Variants in NCAM2 observed in about 807,000 individuals in gnomAD.
The protein encoded by NCAM2 is N-CAM-2.
Under a neutral mutation model 98.1 loss-of-function variants are expected in NCAM2, and 30 were observed. The ratio of observed to expected loss-of-function variants is 0.31; its 90% confidence interval spans 0.23 to 0.41. The LOEUF (loss-of-function observed/expected upper bound fraction) is 0.41, where lower values mean the gene tolerates loss of function less well. NCAM2 is among the 10% of genes least tolerant of loss of function. The pLI is 1.00. For missense variants in NCAM2, 867 were observed against 1,005.8 expected (o/e 0.86, Z 1.87); for synonymous variants, 368 against 342.4 (o/e 1.07, Z -0.83).
chr21:21,393,897 A>G (rs2076438825), intron 9 of NCAM2, among the ~76,000 whole-genome samples: 1 of 152,214 alleles, frequency 6.6e-6, no homozygotes, highest in Admixed American at 6.5e-5. Context: ...TGAAGGAAAG[A>G]TATTCTGATT....
chr21:21,388,754 G>C (rs1310398527), intron 9 of NCAM2, among the ~76,000 whole-genome samples: 2 of 152,104 alleles, frequency 1.3e-5, no homozygotes, highest in Admixed American at 6.5e-5. Context: ...TGTTTATTCG[G>C]TTGTACATTA....
intron 12 of NCAM2, among the ~76,000 whole-genome samples, 167 bp from the exon 13 acceptor site, chr21:21,466,439 T>C (rs1427362062): frequency 1.3e-5 from 2 of 152,020 alleles, no homozygotes; most frequent in East Asian, 1.9e-4. Context: ...CAAATCAGTT[T>C]CTTCTTATAT....
intron 16 of NCAM2, among the ~76,000 whole-genome samples, chr21:21,514,556 CTCT>C (rs1441294918): frequency 4.0e-5 from 6 of 149,730 alleles, no homozygotes; most frequent in Admixed American, 2.7e-4. Flanking sequence ...TTTAATTTGT[CTCT>C]TGTCTTATTT....
At position 21,026,667 on chromosome 21, in the gene NCAM2, A is replaced by G. The variant is rs141911233; in HGVS notation, c.55+28049A>G. On this transcript the variant is annotated intron_variant, in intron 1 of 17. Coordinates refer to ENST00000400546, the MANE Select transcript of NCAM2 (RefSeq NM_004540.5). ...TTCAAATTTAGTATCTTTCCTGGAT[A>G]TCACGTAGTTTCTCTATTCCTAAGA... is the stretch of plus-strand genomic sequence containing the variant. Among the ~76,000 whole-genome samples, 692 of 152,082 alleles carry G rather than the reference A, an allele frequency of 4.6e-3. 8 individuals carry two copies. Among genetic ancestry groups the G allele is most frequent in the African/African-American group, 0.015 (639 of 41,488 alleles).
In NCAM2 at chr21:21,543,190, A is replaced by G. The variant is rs1990302974; in HGVS notation, c.*5233A>G. The G allele has an allele frequency of 6.6e-6, 1 of 151,782 alleles. No individual in the cohort carries two copies. Among genetic ancestry groups the G allele is most frequent in the Non-Finnish European group, 1.5e-5 (1 of 67,846 alleles). 9.4% of individuals were successfully genotyped at this position (151,782 alleles called of 1,614,324 possible). On this transcript the variant is annotated 3_prime_UTR_variant, in exon 18 of 18. Transcript: ENST00000400546. ...TATGTCCCAATGAAATGCTGTATATATATGTCTAAACTGTAAAAATTATAC... is the reference window on the plus strand; with the variant it reads ...TATGTCCCAATGAAATGCTGTATATGTATGTCTAAACTGTAAAAATTATAC...
intron 1 of NCAM2, among the ~76,000 whole-genome samples, chr21:21,053,543 AAATT>A (rs1601218104): frequency 6.6e-6 from 1 of 151,544 alleles, no homozygotes; most frequent in Non-Finnish European, 1.5e-5. Flanking sequence ...TTATTTTTAA[AAATT>A]AATTGTTTTA....
intron 1 of NCAM2, among the ~76,000 whole-genome samples, chr21:21,238,856 T>TA (rs2147225727): frequency 6.6e-6 from 1 of 152,300 alleles, no homozygotes; most frequent in African/African-American, 2.4e-5. Context: ...GCTCCTCAAA[T>TA]ATGTATTAAA....
At chr21:21,007,318 G>A (rs1428425684) in intron 1 of NCAM2, among the ~76,000 whole-genome samples, 1 of 152,058 alleles carries the variant, frequency 6.6e-6, no homozygotes, top group Non-Finnish European at 1.5e-5. Flanking sequence ...ACCAGAAAGG[G>A]GTCCCAGTCC....
intron 1 of NCAM2, among the ~76,000 whole-genome samples, chr21:21,006,113 T>C (rs2064108758): frequency 6.6e-6 from 1 of 152,198 alleles, no homozygotes; most frequent in Non-Finnish European, 1.5e-5. Context: ...ATTTAAGATA[T>C]GATTCGGTCT....
intron 16 of NCAM2, among the ~76,000 whole-genome samples, chr21:21,525,957 A>G (rs1003850451): frequency 3.3e-5 from 5 of 152,102 alleles, no homozygotes; most frequent in African/African-American, 1.2e-4. Context: ...ATACCCATTC[A>G]TAATAAAAGC....
At chr21:21,281,928 G>A (rs2072943478) in intron 2 of NCAM2, among the ~76,000 whole-genome samples, 1 of 151,568 alleles carries the variant, frequency 6.6e-6, no homozygotes, top group African/African-American at 2.4e-5. Flanking sequence ...CATATTCAGA[G>A]CATATATGTA....
intron 1 of NCAM2, among the ~76,000 whole-genome samples, chr21:21,092,661 G>C (rs942067638): frequency 1.8e-5 from 1 of 54,546 alleles, no homozygotes; most frequent in Non-Finnish European, 3.3e-5. Context: ...TGAAGACAAA[G>C]GAGTGAAATA....
At chr21:21,047,964 T>C (rs1325650303) in intron 1 of NCAM2, among the ~76,000 whole-genome samples, 1 of 152,206 alleles carries the variant, frequency 6.6e-6, no homozygotes, top group Non-Finnish European at 1.5e-5. Flanking sequence ...CAAAATGTTT[T>C]ACCCCAAAAT....
chr21:21,129,390 TA>T (rs1186635868), intron 1 of NCAM2, among the ~76,000 whole-genome samples: 1 of 152,182 alleles, frequency 6.6e-6, no homozygotes, highest in Non-Finnish European at 1.5e-5. Flanking sequence ...AAGGTTAAAG[TA>T]ATGACTCAAC....
chr21:21,001,372 G>A (rs191065370), intron 1 of NCAM2, among the ~76,000 whole-genome samples: 7 of 152,216 alleles, frequency 4.6e-5, no homozygotes, highest in African/African-American at 1.4e-4. Flanking sequence ...AATGAAGTAA[G>A]GTTAGAATGT....
intron 9 of NCAM2, among the ~76,000 whole-genome samples, chr21:21,401,521 A>C (rs1403383002): frequency 6.6e-6 from 1 of 151,986 alleles, no homozygotes; most frequent in Non-Finnish European, 1.5e-5. Context: ...TATGAATTTG[A>C]CTGTTTTTTA....
chr21:21,428,038 A>G (rs1389063899), intron 11 of NCAM2, among the ~76,000 whole-genome samples: 1 of 152,232 alleles, frequency 6.6e-6, no homozygotes, highest in African/African-American at 2.4e-5. Flanking sequence ...AGTTGACAAA[A>G]GTGGCAAGGC....
Position 21,374,072 on chromosome 21 carries a change from A to C in NCAM2, c.1195+59A>C, listed in dbSNP as rs1304251600. 3.9e-6 allele frequency: 6 copies of C among 1,532,588 alleles called. No individual in the cohort carries two copies. In the East Asian group the frequency reaches 1.4e-4, roughly 35 times the overall value. The allele number at this position is 1,532,588 out of a possible 1,614,324, so 94.9% of individuals were successfully genotyped here. On this transcript the variant is annotated intron_variant, in intron 9 of 17. Transcript: ENST00000400546. ...AACTTTGCATGCTTTGAAACATATG[A>C]TTTTTCAATAAAGACCAAAATATAT...
intron 1 of NCAM2, among the ~76,000 whole-genome samples, chr21:21,230,994 A>G (rs867586131): frequency 4.0e-5 from 6 of 151,368 alleles, no homozygotes; most frequent in South Asian, 2.1e-4. Context: ...ATTTCCGAGG[A>G]CATTACTCCA....
Sources: gnomAD v4.1 joint callset for allele counts (sites outside exome capture counted in the v4.1 genomes callset) on GRCh38, gnomAD v4.1.1 for gene constraint, MANE v1.5 for transcripts, NCBI Gene and HGNC (gene_info 2026-07-23, HGNC 2026-07-21) for gene names.